The following PARD3 variants were observed in gnomAD, a reference collection of about 807,000 sequenced individuals.
PARD3 encodes par-3 family cell polarity regulator, also known as partitioning defective 3 homolog.
In PARD3, 75 loss-of-function variants were observed where a neutral mutation model predicts 155.4. That is an observed-to-expected ratio of 0.48 (90% CI 0.40 to 0.58). PARD3 has a LOEUF of 0.58. Ranked by LOEUF, PARD3 falls within the 20% of genes least tolerant of loss-of-function variation. The pLI is 0.00. For missense variants in PARD3, 1,642 were observed against 1,721.7 expected (o/e 0.95, Z 0.82); for synonymous variants, 576 against 610.5 (o/e 0.94, Z 0.83).
chr10:34,759,718 C>A (rs1006585001), intron 1 of PARD3, among the ~76,000 whole-genome samples: 1 of 152,224 alleles, frequency 6.6e-6, no homozygotes, highest in Non-Finnish European at 1.5e-5. Context: ...GGATTTCAGC[C>A]AGCATAACGT....
intron 1 of PARD3, among the ~76,000 whole-genome samples, chr10:34,717,499 C>T (rs2094538139): frequency 6.6e-6 from 1 of 152,160 alleles, no homozygotes; most frequent in East Asian, 1.9e-4. Context: ...CCCCTGCAAT[C>T]GCAGAGTTCA....
At chr10:34,315,496 C>A (rs547310673) in intron 20 of PARD3, among the ~76,000 whole-genome samples, 73 of 152,218 alleles carry the variant, frequency 4.8e-4, no homozygotes, top group Non-Finnish European at 9.1e-4. Flanking sequence ...GTCAGGAGAG[C>A]CCCTGGAAGA....
At chr10:34,600,185 A>AT (rs1268015210) in intron 2 of PARD3, among the ~76,000 whole-genome samples, 1 of 151,378 alleles carries the variant, frequency 6.6e-6, no homozygotes, top group Non-Finnish European at 1.5e-5. Context: ...AAATACAAAA[A>AT]AAAAAAAAAA....
intron 1 of PARD3, among the ~76,000 whole-genome samples, chr10:34,706,783 T>C (rs896023994): frequency 6.6e-6 from 1 of 151,396 alleles, no homozygotes; most frequent in Admixed American, 6.6e-5. Context: ...AATTAATTAA[T>C]TAAAATAAAA....
At chr10:34,719,337 T>A (rs550293116) in intron 1 of PARD3, among the ~76,000 whole-genome samples, 1 of 152,314 alleles carries the variant, frequency 6.6e-6, no homozygotes, top group Non-Finnish European at 1.5e-5. Context: ...AGGCCCCAAA[T>A]AAATTTTAAT....
intron 1 of PARD3, among the ~76,000 whole-genome samples, chr10:34,772,060 A>C (rs1838942860): frequency 6.6e-6 from 1 of 152,226 alleles, no homozygotes; most frequent in Non-Finnish European, 1.5e-5. Flanking sequence ...GCAGAATGCA[A>C]GATGCACCCC....
Position 34,814,842 on chromosome 10 carries a change from CGCCCCCTCCCCGCCCGCGCCCCCG to C in PARD3, c.120+10_120+33del, listed in dbSNP as rs936874469. The C allele has an allele frequency of 2.5e-6, 3 of 1,208,890 alleles. No individual in the cohort carries two copies. The allele number at this position is 1,208,890 out of a possible 1,614,324, so 74.9% of individuals were successfully genotyped here. On this transcript the variant is annotated intron_variant, in intron 1 of 24. Transcript: ENST00000374788. Reference sequence around the variant, plus strand: ...TTGATCCCGGCGCCGTCCCCGCCGCCGCCCCCTCCCCGCCCGCGCCCCCGGCCCCTCACCTTGGCGATGGCCTTC... The same window carrying C: ...TTGATCCCGGCGCCGTCCCCGCCGCCGCCCCTCACCTTGGCGATGGCCTTC...
At chr10:34,199,646 T>C (rs1273750130) in intron 22 of PARD3, among the ~76,000 whole-genome samples, 2 of 152,066 alleles carry the variant, frequency 1.3e-5, no homozygotes, top group East Asian at 1.9e-4. Context: ...AAAGCATGAA[T>C]AGAATTTAAA....
chr10:34,759,415 A>G (rs746098035), intron 1 of PARD3, among the ~76,000 whole-genome samples: 1 of 152,250 alleles, frequency 6.6e-6, no homozygotes, highest in Non-Finnish European at 1.5e-5. Flanking sequence ...GCTAAAGTAG[A>G]ATATCACATT....
At chr10:34,254,168 T>A (rs2133758948) in intron 22 of PARD3, among the ~76,000 whole-genome samples, 1 of 152,210 alleles carries the variant, frequency 6.6e-6, no homozygotes, top group South Asian at 2.1e-4. Context: ...GATCACAAGA[T>A]CAGGCGTTCG....
intron 21 of PARD3, among the ~76,000 whole-genome samples, chr10:34,274,761 T>C (rs1589020852): frequency 6.6e-6 from 1 of 152,190 alleles, no homozygotes; most frequent in Admixed American, 6.5e-5. Flanking sequence ...AACTCTATGA[T>C]ACATCTAGCT....
chr10:34,155,079 T>C lies in PARD3; in HGVS notation c.3420-23496A>G, dbSNP rs926911322. ...AGGGAGTGATCATTTCTTAAGGAAA[T>C]GGTACAGACCAGGCCAGATGCATTT... On this transcript the variant is annotated intron_variant, in intron 22 of 24. Transcript: ENST00000374788. Among the ~76,000 whole-genome samples, 3 of 152,298 alleles carry C rather than the reference T, an allele frequency of 2.0e-5. No homozygotes were observed. In the South Asian group the frequency reaches 6.2e-4, roughly 32 times the overall value.
chr10:34,540,254 G>A (rs1424927146), intron 2 of PARD3, among the ~76,000 whole-genome samples: 10 of 151,928 alleles, frequency 6.6e-5, no homozygotes, highest in Admixed American at 6.6e-4. Flanking sequence ...CTTGCACATA[G>A]TAGGTACAGA....
intron 3 of PARD3, among the ~76,000 whole-genome samples, chr10:34,494,101 T>G (rs1286580205): frequency 6.6e-6 from 1 of 152,156 alleles, no homozygotes; most frequent in African/African-American, 2.4e-5. Flanking sequence ...CCCACACAAA[T>G]TCCCTACTCT....
At chr10:34,418,236 T>C (rs567540235) in intron 5 of PARD3, among the ~76,000 whole-genome samples, 1 of 152,052 alleles carries the variant, frequency 6.6e-6, no homozygotes, top group East Asian at 1.9e-4. Context: ...GTGCAGTGGC[T>C]TGATCTTAGC....
chr10:34,407,218 C>G (rs894850877), intron 5 of PARD3, among the ~76,000 whole-genome samples: 1 of 152,182 alleles, frequency 6.6e-6, no homozygotes, highest in Non-Finnish European at 1.5e-5. Flanking sequence ...GGTGGAGGGG[C>G]TTCTCCGGTC....
At chr10:34,582,759 C>A (rs1186456002) in intron 2 of PARD3, among the ~76,000 whole-genome samples, 1 of 152,210 alleles carries the variant, frequency 6.6e-6, no homozygotes, top group Admixed American at 6.5e-5. Context: ...TTAAGCTAGG[C>A]AGTCATGTGC....
intron 15 of PARD3, chr10:34,345,651 T>C: frequency 1.0e-6 from 1 of 985,436 alleles, no homozygotes; most frequent in Non-Finnish European, 1.2e-6. Flanking sequence ...TTTGGAACTA[T>C]GGAATTCATG....
intron 4 of PARD3, among the ~76,000 whole-genome samples, chr10:34,463,243 A>G (rs1212886087): frequency 8.0e-6 from 1 of 125,110 alleles, no homozygotes; most frequent in Non-Finnish European, 1.7e-5. Flanking sequence ...GGGGAAAGGA[A>G]GGGAAAGGGA....
Sources: gnomAD v4.1 joint callset for allele counts (sites outside exome capture counted in the v4.1 genomes callset) on GRCh38, gnomAD v4.1.1 for gene constraint, MANE v1.5 for transcripts, NCBI Gene and HGNC (gene_info 2026-07-23, HGNC 2026-07-21) for gene names.